The following TNFRSF1B variants were observed in gnomAD, a reference collection of about 807,000 sequenced individuals.
The protein encoded by TNFRSF1B is tumor necrosis factor receptor superfamily member 1B.
A neutral mutation model predicts 44.6 loss-of-function variants in TNFRSF1B; 19 were observed. The ratio of observed to expected loss-of-function variants is 0.43; its 90% CI spans 0.30 to 0.62. The LOEUF (loss-of-function observed/expected upper bound fraction) is 0.62, where lower values mean the gene tolerates loss of function less well. TNFRSF1B is among the 20% of genes least tolerant of loss of function. TNFRSF1B has a pLI of 0.16. For synonymous variants in TNFRSF1B, 252 were observed against 261.1 expected (o/e 0.97, Z 0.34); for missense variants, 541 against 619.9 (o/e 0.87, Z 1.35).
At chr1:12,183,768 G>T (rs76769120) in intron 1 of TNFRSF1B, among the ~76,000 whole-genome samples, 5,722 of 116,984 alleles carry the variant, frequency 0.049, 389 homozygotes, top group African/African-American at 0.11. Context: ...TAGCTAGCTA[G>T]CTATCTATTC....
chr1:12,192,631 C>A, intron 5 of TNFRSF1B, 107 bp downstream of exon 5: 1 of 1,177,494 alleles, frequency 8.5e-7, no homozygotes, highest in Non-Finnish European at 1.2e-6. Flanking sequence ...GTCCAGACTG[C>A]TTTATCTGAG....
rs1188219297 is a variant in TNFRSF1B, at chr1:12,199,726, G to T, written c.901-2241G>T. On this transcript the variant is annotated intron_variant, in intron 8 of 9. Transcript: ENST00000376259. The surrounding 1 kb of genome is among the most constrained non-coding windows in gnomAD (Gnocchi z 4.0). ...TTTCTTGGGGGGCGGTGGCACCTGC[G>T]CTGCTCGCTCCACCCCTGCTCTCAC... 6.6e-6 allele frequency among the ~76,000 whole-genome samples: 1 copy of T among 152,144 alleles called. No homozygotes were observed. The highest frequency in any genetic ancestry group is 1.5e-5 in the Non-Finnish European group (1 of 68,024).
intron 1 of TNFRSF1B, among the ~76,000 whole-genome samples, chr1:12,174,161 CTT>C (rs2101079089): frequency 1.5e-5 from 1 of 66,402 alleles, no homozygotes; most frequent in Non-Finnish European, 3.1e-5. Flanking sequence ...TCTTCTTCTT[CTT>C]CTCCTTCTCC....
At chr1:12,183,654 TTTTA>T (rs767989096) in intron 1 of TNFRSF1B, among the ~76,000 whole-genome samples, 25 of 127,856 alleles carry the variant, frequency 2.0e-4, no homozygotes, top group Non-Finnish European at 3.3e-4. Context: ...ATTTTATCTA[TTTTA>T]TCTATCTATC....
rs1462217849 is a variant in TNFRSF1B at position 12,180,037 on chromosome 1, A to C, written c.79-8759A>C. ...CCCCACCGCATCATCTTCCGTTCTC[A>C]GCGGGTAGATCCCTGCCCAGGGGGG... On this transcript the variant is annotated intron_variant, in intron 1 of 9. Transcript: ENST00000376259. This position sits in a 1 kb window ranked among gnomAD's most constrained non-coding sequence, Gnocchi z 4.3. 6.6e-6 allele frequency among the ~76,000 whole-genome samples: 1 copy of C among 151,860 alleles called. No homozygotes were observed. The highest frequency in any genetic ancestry group is 1.5e-5 in the Non-Finnish European group (1 of 67,952).
chr1:12,174,122 TTTCTTCTTCTTCTTC>T (rs541359943), intron 1 of TNFRSF1B, among the ~76,000 whole-genome samples: 1,356 of 66,622 alleles, frequency 0.02, 31 homozygotes, highest in Non-Finnish European at 0.026. Context: ...TGAGACTCCA[TTTCTTCTTCTTCTTC>T]TTCTTCTTCT....
In TNFRSF1B at chr1:12,186,020, G is replaced by C. The variant is rs1638979229; in HGVS notation, c.79-2776G>C. On this transcript the variant is annotated intron_variant, in intron 1 of 9. Transcript: ENST00000376259. The surrounding 1 kb of genome is among the most constrained non-coding windows in gnomAD (Gnocchi z 4.8). ...CCTGAGCAGGGCTCTTAAGGGACAC[G>C]TGGAATTTGTTACAGGAAGCACCAG... 6.6e-6 allele frequency among the ~76,000 whole-genome samples: 1 copy of C among 152,194 alleles called. No homozygotes were observed. The highest frequency in any genetic ancestry group is 2.4e-5 in the African/African-American group (1 of 41,450).
rs1638530075 is a variant in TNFRSF1B at position 12,171,826 on chromosome 1, T to G, written c.78+4657T>G. Among the ~76,000 whole-genome samples, 1 of 152,192 alleles carries G rather than the reference T, an allele frequency of 6.6e-6. No individual in the cohort carries two copies. The highest frequency in any genetic ancestry group is 2.4e-5 in the African/African-American group (1 of 41,450). On this transcript the variant is annotated intron_variant, in intron 1 of 9. Transcript: ENST00000376259. The surrounding 1 kb of genome is among the most constrained non-coding windows in gnomAD (Gnocchi z 4.5). The stretch of plus-strand genomic sequence containing the variant: ...TTTGGGGTTGGGGGATTGCCCCTGA[T>G]TGAGAACCACTGGCCTAGGACAGTG...
chr1:12,201,874 G>A, intron 8 of TNFRSF1B, 93 bp from the exon 9 acceptor site: 2 of 1,464,792 alleles, frequency 1.4e-6, no homozygotes, highest in Non-Finnish European at 9.2e-7. Context: ...AGTGCTGATG[G>A]CAGGAGGTGT....
intron 1 of TNFRSF1B, among the ~76,000 whole-genome samples, chr1:12,184,369 G>A (rs1638930239): frequency 6.6e-6 from 1 of 150,592 alleles, no homozygotes; most frequent in Admixed American, 6.6e-5. Flanking sequence ...TTCTGTCCAA[G>A]AGAATAAACA....
Position 12,199,368 on chromosome 1 carries a change from G to T in TNFRSF1B, c.901-2599G>T, listed in dbSNP as rs1270089266. On this transcript the variant is annotated intron_variant, in intron 8 of 9. Coordinates refer to ENST00000376259, the MANE Select transcript of TNFRSF1B (RefSeq NM_001066.3). The surrounding 1 kb of genome is among the most constrained non-coding windows in gnomAD (Gnocchi z 4.0). ...ATGCCCTCCATCTCTCCAAAACTGGGGGACCCAGCCCAGGGAGGGTGTGGG... is the reference window on the plus strand; with the variant it reads ...ATGCCCTCCATCTCTCCAAAACTGGTGGACCCAGCCCAGGGAGGGTGTGGG... Among the ~76,000 whole-genome samples the T allele has an allele frequency of 6.6e-6, 1 of 152,230 alleles. No homozygotes were observed. The highest frequency in any genetic ancestry group is 1.5e-5 in the Non-Finnish European group (1 of 68,042).
At chr1:12,183,803 TAG>T (rs1221875468) in intron 1 of TNFRSF1B, among the ~76,000 whole-genome samples, 4,853 of 133,856 alleles carry the variant, frequency 0.036, 142 homozygotes, top group Middle Eastern at 0.052. Flanking sequence ...TCTATCTATC[TAG>T]CTATCTATCT....
intron 6 of TNFRSF1B, 121 bp from the exon 7 acceptor site, chr1:12,193,834 C>T: frequency 2.8e-6 from 2 of 725,294 alleles, no homozygotes; most frequent in South Asian, 3.2e-5. Flanking sequence ...GAATCTCCGG[C>T]CTAGACTCGC....
At chr1:12,203,407 C>A (rs1306101904) in intron 9 of TNFRSF1B, among the ~76,000 whole-genome samples, 3 of 152,190 alleles carry the variant, frequency 2.0e-5, no homozygotes, top group African/African-American at 7.2e-5. Flanking sequence ...TCACTCACCC[C>A]CAGCTGCTCC....
chr1:12,204,552 G>A (rs775598682), intron 9 of TNFRSF1B, among the ~76,000 whole-genome samples: 2 of 152,078 alleles, frequency 1.3e-5, no homozygotes, highest in Non-Finnish European at 1.5e-5. Context: ...TTTTCTGAGG[G>A]GGCTACTTAC....
At chr1:12,201,538 A>T (rs2101123739) in intron 8 of TNFRSF1B, among the ~76,000 whole-genome samples, 1 of 151,244 alleles carries the variant, frequency 6.6e-6, no homozygotes, top group African/African-American at 2.4e-5. Context: ...AGTGAGTGGT[A>T]GAGTCATGAT....
chr1:12,167,565 G>A, intron 1 of TNFRSF1B: 1 of 338,098 alleles, frequency 3.0e-6, no homozygotes, highest in South Asian at 2.4e-5. Flanking sequence ...CCCACGCGGT[G>A]GAGAAGGGGC....
intron 4 of TNFRSF1B, 108 bp downstream of exon 4, chr1:12,192,031 T>A: frequency 7.0e-7 from 1 of 1,424,056 alleles, no homozygotes; most frequent in South Asian, 1.4e-5. Flanking sequence ...CAGGGAGCAC[T>A]GTTAGTGGTG....
At chr1:12,192,312 G>GTGT (rs1557634789) in intron 4 of TNFRSF1B, 119 bp from the exon 5 acceptor site, 1 of 768,874 alleles carries the variant, frequency 1.3e-6, no homozygotes, top group Non-Finnish European at 2.3e-6. Flanking sequence ...GTGTGTAAGG[G>GTGT]GTGGAGGTGC....
Sources: gnomAD v4.1 joint callset for allele counts (sites outside exome capture counted in the v4.1 genomes callset) on GRCh38, gnomAD v4.1.1 for gene constraint, Gnocchi (gnomAD v3.1) non-coding constraint, MANE v1.5 for transcripts, NCBI Gene and HGNC (gene_info 2026-07-23, HGNC 2026-07-21) for gene names.